INPP5D: variants seen among roughly 807,000 people sequenced by gnomAD.
INPP5D encodes the protein phosphatidylinositol 3,4,5-trisphosphate 5-phosphatase 1.
Under a neutral mutation model 122.9 loss-of-function variants are expected in INPP5D, and 33 were observed. The observed-to-expected ratio is 0.27, with a 90% CI of 0.20 to 0.36. INPP5D has a LOEUF of 0.36. INPP5D is among the 10% of genes least tolerant of loss of function. The pLI, the probability that INPP5D is intolerant of heterozygous loss-of-function variation, is 1.00. For missense variants in INPP5D, 1,053 were observed against 1,412.7 expected (o/e 0.75, Z 4.08); for synonymous variants, 584 against 576.2 (o/e 1.01, Z -0.19).
Position 233,189,804 on chromosome 2 carries a change from C to T in INPP5D, c.2359-46C>T, listed in dbSNP as rs764678750. ...CTTGTCCACCCACCTGTCCCCTCAC[C>T]TGTCCCTTGCCCATCAACTCCAGTC... On this transcript the variant is annotated intron_variant, in intron 21 of 26. Transcript: ENST00000445964. The surrounding 1 kb of genome is among the most constrained non-coding windows in gnomAD (Gnocchi z 5.6). 13 of 1,602,206 alleles carry T rather than the reference C, an allele frequency of 8.1e-6. No homozygotes were observed. The South Asian group carries it at 1.2e-4, about 15-fold the overall frequency.
chr2:233,116,880 C>T (rs1038617354), intron 2 of INPP5D, among the ~76,000 whole-genome samples: 14 of 152,232 alleles, frequency 9.2e-5, no homozygotes, highest in African/African-American at 3.1e-4. Context: ...CAGGCGTGAG[C>T]CACCCTACCT....
Position 233,188,807 on chromosome 2 carries a change from C to T in INPP5D, c.2359-1043C>T, listed in dbSNP as rs917714971. Among the ~76,000 whole-genome samples, 2 of 152,172 alleles carry T rather than the reference C, an allele frequency of 1.3e-5. No homozygotes were observed. The highest frequency in any genetic ancestry group is 4.1e-4 in the South Asian group (2 of 4,830). On this transcript the variant is annotated intron_variant, in intron 21 of 26. Transcript: ENST00000445964. The surrounding 1 kb of genome is among the most constrained non-coding windows in gnomAD (Gnocchi z 4.7). ...TGAACTCCTGACCTCAAGTGATCCA[C>T]CCACCTCGGCCTCCCAAAGTGCTGT...
At chr2:233,179,321 C>T (rs1404085286) in intron 18 of INPP5D, among the ~76,000 whole-genome samples, 1 of 152,266 alleles carries the variant, frequency 6.6e-6, no homozygotes, top group Non-Finnish European at 1.5e-5. Context: ...CCTGTCAATA[C>T]TGTCCTTCCC....
chr2:233,098,954 T>TTATTTATG (rs1692227028), intron 2 of INPP5D, among the ~76,000 whole-genome samples: 1 of 151,280 alleles, frequency 6.6e-6, no homozygotes, highest in Admixed American at 6.6e-5. Context: ...ATTTATTTAT[T>TTATTTATG]TATTTATTTA....
Position 233,068,285 on chromosome 2 carries a change from CAA to C in INPP5D, c.134+7689_134+7690del, listed in dbSNP as rs60089777. Among the ~76,000 whole-genome samples, 1,001 of 127,100 alleles carry C rather than the reference CAA, an allele frequency of 7.9e-3. 5 individuals are homozygous for C. Among genetic ancestry groups the C allele is most frequent in the African/African-American group, 0.015 (477 of 31,686 alleles). The allele number at this position is 127,100 out of a possible 152,430, so 83.4% of individuals were successfully genotyped here. On this transcript the variant is annotated intron_variant, in intron 1 of 26. Coordinates refer to ENST00000445964, the MANE Select transcript of INPP5D (RefSeq NM_001017915.3). ...GGGCAACAAGAGTGAAACTCTGTCT[CAA>C]AAAAAAAAAAAAAAATCATGCTGGT...
At chr2:233,174,398 C>T (rs1333646807) in intron 17 of INPP5D, among the ~76,000 whole-genome samples, 1 of 152,226 alleles carries the variant, frequency 6.6e-6, no homozygotes, top group African/African-American at 2.4e-5. Context: ...TTTGTAGGAC[C>T]TCTGTCCTAT....
chr2:233,097,998 ACCTCAGCC>A (rs1391945647), intron 2 of INPP5D, among the ~76,000 whole-genome samples: 1 of 151,322 alleles, frequency 6.6e-6, no homozygotes, highest in Non-Finnish European at 1.5e-5. Context: ...CAATTCTCCC[ACCTCAGCC>A]TCCTGAGTAG....
chr2:233,162,305 T>A (rs1260042603), intron 11 of INPP5D, among the ~76,000 whole-genome samples: 2 of 150,580 alleles, frequency 1.3e-5, no homozygotes, highest in African/African-American at 2.4e-5. Flanking sequence ...TAGAAACAAT[T>A]TTTTTTAGTA....
At position 233,105,604 on chromosome 2, in the gene INPP5D, C is replaced by G. The variant is rs1171504400; in HGVS notation, c.199-16503C>G. 6.6e-6 allele frequency among the ~76,000 whole-genome samples: 1 copy of G among 152,002 alleles called. No individual in the cohort carries two copies. The highest frequency in any genetic ancestry group is 1.5e-5 in the Non-Finnish European group (1 of 68,018). ...TGGTCCCTGATGCCGGGGGCTGAGC[C>G]GGGGGGAAGAGAGCCAGAGGGGAAG... On this transcript the variant is annotated intron_variant, in intron 2 of 26. Transcript: ENST00000445964. This position sits in a 1 kb window ranked among gnomAD's most constrained non-coding sequence, Gnocchi z 4.0.
chr2:233,111,205 C>A (rs1174444696), intron 2 of INPP5D, among the ~76,000 whole-genome samples: 1 of 152,232 alleles, frequency 6.6e-6, no homozygotes, highest in South Asian at 2.1e-4. Flanking sequence ...TTTGTAACCA[C>A]ATTCAACCGT....
chr2:233,124,380 C>G (rs1693090862), intron 3 of INPP5D, among the ~76,000 whole-genome samples: 1 of 152,264 alleles, frequency 6.6e-6, no homozygotes, highest in Admixed American at 6.5e-5. Flanking sequence ...TGCTCCCTCC[C>G]ACCCTCATGG....
intron 5 of INPP5D, among the ~76,000 whole-genome samples, chr2:233,136,539 T>C (rs1559312375): frequency 6.6e-6 from 1 of 151,978 alleles, no homozygotes; most frequent in Non-Finnish European, 1.5e-5. Flanking sequence ...ATTGTAAATC[T>C]CTTGAAGACA....
At chr2:233,121,816 G>A (rs1057423388) in intron 2 of INPP5D, among the ~76,000 whole-genome samples, 28 of 152,054 alleles carry the variant, frequency 1.8e-4, no homozygotes, top group East Asian at 5.8e-4. Flanking sequence ...GTGAGCCACC[G>A]TGCCTGGCCC....
chr2:233,139,465 C>CGTGTGT (rs1693587061), intron 5 of INPP5D, among the ~76,000 whole-genome samples: 1 of 102,290 alleles, frequency 9.8e-6, no homozygotes, highest in Non-Finnish European at 1.8e-5. Flanking sequence ...ATTGTTAACA[C>CGTGTGT]CTGTGTGTGT....
Position 233,137,653 on chromosome 2 carries a change from A to G in INPP5D, c.666-2189A>G, listed in dbSNP as rs1267003212. Among the ~76,000 whole-genome samples the G allele has an allele frequency of 1.0e-4, 15 of 149,044 alleles. 1 individual carries two copies. The highest frequency in any genetic ancestry group is 3.5e-4 in the African/African-American group (14 of 40,554). On this transcript the variant is annotated intron_variant, in intron 5 of 26. Transcript: ENST00000445964. ...GTATTTTTAGTAGAGATGAGGTTTC[A>G]CCATGTTGGCCAGGTTGGTCTTGAA...
chr2:233,107,999 G>A (rs1342521176), intron 2 of INPP5D, among the ~76,000 whole-genome samples: 5 of 152,116 alleles, frequency 3.3e-5, no homozygotes, highest in African/African-American at 4.8e-5. Context: ...GGCCAGTGGC[G>A]GCTGGACCTT....
At chr2:233,163,271 T>C (rs985513960) in intron 11 of INPP5D, among the ~76,000 whole-genome samples, 1 of 152,174 alleles carries the variant, frequency 6.6e-6, no homozygotes, top group Non-Finnish European at 1.5e-5. Flanking sequence ...ATCCCTCCGC[T>C]CTGGGCTGGG....
At chr2:233,065,402 G>C (rs940928488) in intron 1 of INPP5D, among the ~76,000 whole-genome samples, 2 of 144,606 alleles carry the variant, frequency 1.4e-5, no homozygotes, top group Non-Finnish European at 1.5e-5. Flanking sequence ...CCGCCTCCCA[G>C]GATTAAGCAA....
At chr2:233,186,484 A>C (rs1694917926) in intron 21 of INPP5D, among the ~76,000 whole-genome samples, 1 of 152,010 alleles carries the variant, frequency 6.6e-6, no homozygotes, top group East Asian at 1.9e-4. Context: ...CCTTAGTGGG[A>C]ACACATTCTT....
Sources: gnomAD v4.1 joint callset for allele counts (sites outside exome capture counted in the v4.1 genomes callset) on GRCh38, gnomAD v4.1.1 for gene constraint, Gnocchi (gnomAD v3.1) non-coding constraint, MANE v1.5 for transcripts, NCBI Gene and HGNC (gene_info 2026-07-23, HGNC 2026-07-21) for gene names.